CLRN1: variants seen among roughly 807,000 people sequenced by gnomAD.
CLRN1 encodes clarin-1.
In CLRN1, 15 loss-of-function variants were observed where a neutral mutation model predicts 18.7. That is an observed-to-expected ratio of 0.80 (90% CI 0.54 to 1.23). The LOEUF (loss-of-function observed/expected upper bound fraction) is 1.23. CLRN1 is among the 50% of genes most tolerant of loss of function. CLRN1 has a pLI of 0.00. For synonymous variants in CLRN1, 104 were observed against 102.9 expected, an observed-to-expected ratio of 1.01 and a Z score of -0.07; for missense variants, 311 against 277.5, an observed-to-expected ratio of 1.12 and a Z score of -0.86.
intron 1 of CLRN1, among the ~76,000 whole-genome samples, chr3:150,966,566 C>T (rs1559993486): frequency 1.3e-5 from 2 of 152,162 alleles, no homozygotes; most frequent in Non-Finnish European, 2.9e-5. Context: ...TTTGTGGCTG[C>T]CCCTACTTTC....
At chr3:150,972,944 T>C, upstream of CLRN1, 2 of 648,006 alleles carry the variant, frequency 3.1e-6, no homozygotes, top group Non-Finnish European at 5.6e-6. Context: ...TAATTGGAAA[T>C]CTTTGGACTA....
Position 150,946,871 on chromosome 3 carries a change from A to T in CLRN1, c.254-5110T>A, listed in dbSNP as rs1317841564. On this transcript the variant is annotated intron_variant, in intron 1 of 2. Transcript: ENST00000327047. ...ACTAACTTGTCATCTAGCATTAGGT[A>T]TATCTCCCAATGCTATCCCTCCCCC... 2.0e-5 allele frequency among the ~76,000 whole-genome samples: 3 copies of T among 149,216 alleles called. No homozygotes were observed. In the East Asian group the frequency reaches 6.1e-4, roughly 30 times the overall value.
downstream of CLRN1, chr3:150,926,451 T>G (rs1712795165): frequency 5.5e-6 from 2 of 360,498 alleles, no homozygotes; most frequent in Non-Finnish European, 1.1e-5. Flanking sequence ...AGCTAAAGAC[T>G]TACAGAACCG....
chr3:150,959,479 A>C (rs979018070), intron 1 of CLRN1, among the ~76,000 whole-genome samples: 1 of 152,072 alleles, frequency 6.6e-6, no homozygotes, highest in Admixed American at 6.5e-5. Context: ...AAATACAAAA[A>C]TTAGCCAGGT....
At chr3:150,951,577 A>G (rs1333522844) in intron 1 of CLRN1, among the ~76,000 whole-genome samples, 1 of 152,136 alleles carries the variant, frequency 6.6e-6, no homozygotes, top group Non-Finnish European at 1.5e-5. Flanking sequence ...ACCTCAAATC[A>G]TCTTCCTGCC....
intron 1 of CLRN1, among the ~76,000 whole-genome samples, chr3:150,968,054 T>C (rs991108500): frequency 6.6e-6 from 1 of 152,208 alleles, no homozygotes; most frequent in Non-Finnish European, 1.5e-5. Context: ...TTGCAAGCTG[T>C]GATACATGAT....
Position 150,926,909 on chromosome 3 carries a change from A to C in CLRN1, c.*1027T>G, listed in dbSNP as rs147434424. 8.6e-4 allele frequency: 1,394 copies of C among 1,614,166 alleles called. 11 individuals carry two copies. In the African/African-American group the frequency reaches 0.017, roughly 19 times the overall value. ...TTTGATGGGTAATTCAGGGGAAAAAAAAAGTTGACCTGGGTCATGCTTGGT... is the reference window on the plus strand; with the variant it reads ...TTTGATGGGTAATTCAGGGGAAAAACAAAGTTGACCTGGGTCATGCTTGGT... On this transcript the variant is annotated 3_prime_UTR_variant, in exon 3 of 3. Transcript: ENST00000327047.
chr3:150,927,664 A>G lies in CLRN1; in HGVS notation c.*272T>C. Reference sequence around the variant, plus strand: ...CACACACACACACACACACACATATATATATATGGAGTAACAATTTGTCGA... The same window carrying G: ...CACACACACACACACACACACATATGTATATATGGAGTAACAATTTGTCGA... On this transcript the variant is annotated 3_prime_UTR_variant, in exon 3 of 3. Coordinates refer to ENST00000327047, the MANE Select transcript of CLRN1 (RefSeq NM_174878.3). 1.7e-6 allele frequency: 1 copy of G among 581,230 alleles called. No individual in the cohort carries two copies. Among genetic ancestry groups the G allele is most frequent in the Admixed American group, 2.2e-5 (1 of 46,478 alleles). The allele number at this position is 581,230 out of a possible 1,614,324, so 36.0% of individuals were successfully genotyped here.
At chr3:150,953,042 C>G (rs1352410699) in intron 1 of CLRN1, among the ~76,000 whole-genome samples, 1 of 152,094 alleles carries the variant, frequency 6.6e-6, no homozygotes, top group African/African-American at 2.4e-5. Context: ...TTGACTTTTC[C>G]TTGGTTGAAG....
rs1715600109 is a variant in CLRN1 at position 150,972,598 on chromosome 3, A to C, written c.111T>G (p.Thr37=). The C allele has an allele frequency of 1.2e-6, 2 of 1,614,264 alleles. No homozygotes were observed. The highest frequency in any genetic ancestry group is 1.3e-5 in the African/African-American group (1 of 75,062). Residue 37 remains threonine, a synonymous_variant, in exon 1 of 3, where the codon ACT becomes ACG. Coordinates refer to ENST00000327047, the MANE Select transcript of CLRN1 (RefSeq NM_174878.3). ...GCAGAGCTCCCGTTTTGCAGAGGAC[A>C]GTGGCTTTGATCCACAACGGTGTCC... is the stretch of plus-strand genomic sequence containing the variant. ...ALGTPLWIKA[T]VLCKTGALLV...
At chr3:150,941,172 C>CTATCTATCTA (rs1258186235) in intron 2 of CLRN1, among the ~76,000 whole-genome samples, 1 of 113,794 alleles carries the variant, frequency 8.8e-6, no homozygotes, top group Non-Finnish European at 2.0e-5. Flanking sequence ...ATCTATCTAT[C>CTATCTATCTA]TCTTTCATAT....
chr3:150,953,311 TTGTC>T (rs1016865863), intron 1 of CLRN1, among the ~76,000 whole-genome samples: 1 of 152,172 alleles, frequency 6.6e-6, no homozygotes, highest in African/African-American at 2.4e-5. Flanking sequence ...TAACATAACT[TTGTC>T]TGTGCGTTCA....
At chr3:150,942,753 C>T in intron 1 of CLRN1, 1 of 278,642 alleles carries the variant, frequency 3.6e-6, no homozygotes, top group Non-Finnish European at 7.2e-6. Context: ...TGTCACTTCT[C>T]ATTTAAGTGA....
chr3:150,967,892 TCAA>T (rs1344189978), intron 1 of CLRN1, among the ~76,000 whole-genome samples: 1 of 152,198 alleles, frequency 6.6e-6, no homozygotes, highest in African/African-American at 2.4e-5. Flanking sequence ...AGAAGTAGTT[TCAA>T]CATTTTCTCT....
rs1355007271 is a variant in CLRN1, at chr3:150,926,762, T to G, written c.*1174A>C. 1 of 1,610,694 alleles carries G rather than the reference T, an allele frequency of 6.2e-7. No homozygotes were observed. The highest frequency in any genetic ancestry group is 8.5e-7 in the Non-Finnish European group (1 of 1,177,618). On this transcript the variant is annotated 3_prime_UTR_variant, in exon 3 of 3. Transcript: ENST00000327047. ...TACTCAGCACCTGTGGTCAGAGGCCTAGTGATCTGTTTGCTGTCATTCTCT... is the reference window on the plus strand; with the variant it reads ...TACTCAGCACCTGTGGTCAGAGGCCGAGTGATCTGTTTGCTGTCATTCTCT...
intron 1 of CLRN1, among the ~76,000 whole-genome samples, chr3:150,944,582 G>A (rs958869157): frequency 5.3e-5 from 8 of 151,750 alleles, no homozygotes; most frequent in Non-Finnish European, 8.8e-5. Context: ...AATCCAGGCC[G>A]GGTGCGGTGG....
chr3:150,938,953 C>T (rs942060826), intron 2 of CLRN1, among the ~76,000 whole-genome samples: 13 of 152,182 alleles, frequency 8.5e-5, no homozygotes, highest in Admixed American at 7.2e-4. Flanking sequence ...TTTTCAAATG[C>T]TGTTAGTTTG....
Position 150,948,292 on chromosome 3 carries a change from G to A in CLRN1, c.254-6531C>T, listed in dbSNP as rs1280037309. Among the ~76,000 whole-genome samples the A allele has an allele frequency of 3.9e-4, 60 of 151,978 alleles. 2 individuals carry two copies. The highest frequency in any genetic ancestry group is 2.4e-4 in the Non-Finnish European group (16 of 67,916). On this transcript the variant is annotated intron_variant, in intron 1 of 2. Coordinates refer to ENST00000327047, the MANE Select transcript of CLRN1 (RefSeq NM_174878.3). ...GAGGTCAGGAGATCGAGACCATCCT[G>A]GCTAACACGGTGAAACCCCGTCTCT...
chr3:150,962,771 A>T lies in CLRN1; in HGVS notation c.253+9685T>A, dbSNP rs145730885. ...TCTGCCTTACACCTAAACTGCCAAC[A>T]TTAAGGTAATATAATTACATAACCC... On this transcript the variant is annotated intron_variant, in intron 1 of 2. Transcript: ENST00000327047. 3.3e-5 allele frequency among the ~76,000 whole-genome samples: 5 copies of T among 152,368 alleles called. No homozygotes were observed. In the East Asian group the frequency reaches 7.7e-4, roughly 23 times the overall value.
Sources: allele counts gnomAD v4.1 joint callset (sites outside exome capture counted in the v4.1 genomes callset), GRCh38; gene constraint gnomAD v4.1.1; transcripts MANE v1.5; gene names NCBI Gene and HGNC (gene_info 2026-07-23, HGNC 2026-07-21).